KIRREL1: variants seen among roughly 807,000 people sequenced by gnomAD.
The protein encoded by KIRREL1 is kirre like nephrin family adhesion molecule 1.
Under a neutral mutation model 83.3 loss-of-function variants are expected in KIRREL1, and 25 were observed. The ratio of observed to expected loss-of-function variants is 0.30; its 90% confidence interval spans 0.22 to 0.42. The LOEUF is 0.42. Among genes scored for constraint, KIRREL1 ranks in the 10% least tolerant of loss-of-function variants. The pLI is 1.00. For synonymous variants in KIRREL1, 388 were observed against 410.4 expected (o/e 0.95, Z 0.66); for missense variants, 812 against 1,032.3 (o/e 0.79, Z 2.92).
chr1:158,072,342 AAC>A (rs1349827531), intron 1 of KIRREL1, among the ~76,000 whole-genome samples: 1 of 152,016 alleles, frequency 6.6e-6, no homozygotes, highest in Non-Finnish European at 1.5e-5. Context: ...TCCCTCAGTC[AAC>A]AGACATATTT....
chr1:158,005,125 G>C (rs958312165), intron 1 of KIRREL1, among the ~76,000 whole-genome samples: 7 of 152,196 alleles, frequency 4.6e-5, no homozygotes, highest in Non-Finnish European at 1.0e-4. Context: ...AAGCTCTCGG[G>C]TGATGCTGAT....
At chr1:158,035,787 T>C (rs1243855824) in intron 1 of KIRREL1, among the ~76,000 whole-genome samples, 1 of 152,198 alleles carries the variant, frequency 6.6e-6, no homozygotes, top group Non-Finnish European at 1.5e-5. Flanking sequence ...ATGTGGTTAA[T>C]AACAGTGATT....
At chr1:158,047,509 TCA>T (rs1660807107) in intron 1 of KIRREL1, among the ~76,000 whole-genome samples, 1 of 152,188 alleles carries the variant, frequency 6.6e-6, no homozygotes, top group Admixed American at 6.5e-5. Context: ...CACTTGAACC[TCA>T]GTTATCAGGT....
At chr1:158,028,807 T>C (rs1660241129) in intron 1 of KIRREL1, among the ~76,000 whole-genome samples, 1 of 152,222 alleles carries the variant, frequency 6.6e-6, no homozygotes, top group Non-Finnish European at 1.5e-5. Context: ...AGCTAATAAC[T>C]GAGAGGCTAA....
chr1:157,995,215 A>G (rs1351433997), intron 1 of KIRREL1, among the ~76,000 whole-genome samples: 1 of 152,144 alleles, frequency 6.6e-6, no homozygotes, highest in Non-Finnish European at 1.5e-5. Context: ...TCCGAAGGCA[A>G]AGCCTGGCTG....
In KIRREL1 at chr1:158,078,071, G is replaced by A. The variant is rs779887253; in HGVS notation, c.283G>A (p.Asp95Asn). The change falls in exon 3 of 15, where the codon GAC (aspartate) becomes AAC (asparagine). Residue 95 changes from aspartate (D) to asparagine (N), a missense_variant. Transcript: ENST00000359209. ...LEITDAELSD[D>N]ASYECQATEA... ...GATCACAGATGCTGAGCTCTCTGAC[G>A]ACGCCTCTTACGAGTGCCAGGCCAC... 3.1e-6 allele frequency: 5 copies of A among 1,614,088 alleles called. No individual in the cohort carries two copies. Among genetic ancestry groups the A allele is most frequent in the South Asian group, 2.2e-5 (2 of 91,068 alleles).
At chr1:157,999,413 C>T (rs375869510) in intron 1 of KIRREL1, among the ~76,000 whole-genome samples, 51 of 152,282 alleles carry the variant, frequency 3.3e-4, no homozygotes, top group African/African-American at 1.2e-3. Flanking sequence ...GAGAGATACA[C>T]TCATCCTATG....
At chr1:158,011,829 G>A (rs938639461) in intron 1 of KIRREL1, among the ~76,000 whole-genome samples, 5 of 152,196 alleles carry the variant, frequency 3.3e-5, no homozygotes, top group South Asian at 2.1e-4. Context: ...CCACGAGGAC[G>A]TAGTCACACG....
At chr1:158,068,961 G>T (rs1039763923) in intron 1 of KIRREL1, among the ~76,000 whole-genome samples, 2 of 152,182 alleles carry the variant, frequency 1.3e-5, no homozygotes, top group African/African-American at 2.4e-5. Context: ...AGTGGAGAGC[G>T]TGGGGACTGC....
At chr1:157,998,497 G>C (rs1209651871) in intron 1 of KIRREL1, among the ~76,000 whole-genome samples, 2 of 152,140 alleles carry the variant, frequency 1.3e-5, no homozygotes, top group Non-Finnish European at 2.9e-5. Flanking sequence ...CAAATAAAAA[G>C]GTTTGTTTCT....
At chr1:158,038,715 CA>C (rs1660542802) in intron 1 of KIRREL1, among the ~76,000 whole-genome samples, 1 of 152,028 alleles carries the variant, frequency 6.6e-6, no homozygotes, top group African/African-American at 2.4e-5. Flanking sequence ...GACGACTGAA[CA>C]AAAATAGGGT....
At chr1:158,069,884 A>G (rs1661464133) in intron 1 of KIRREL1, among the ~76,000 whole-genome samples, 1 of 152,220 alleles carries the variant, frequency 6.6e-6, no homozygotes, top group African/African-American at 2.4e-5. Flanking sequence ...TGAGCTGCAC[A>G]GAACAGTCAT....
intron 1 of KIRREL1, among the ~76,000 whole-genome samples, chr1:158,052,734 C>T (rs1291026478): frequency 1.3e-5 from 2 of 152,018 alleles, no homozygotes; most frequent in African/African-American, 2.4e-5. Flanking sequence ...TGCAGTGAGC[C>T]GAGATAGCGC....
In KIRREL1 at chr1:158,097,899, C is replaced by G. The variant is rs532199547; in HGVS notation, c.*2779C>G. The stretch of plus-strand genomic sequence containing the variant: ...TCTCGGCCTAACTTTCTGTTCATTG[C>G]CCCCAATTTGTCTGGCCTGTAAAAT... On this transcript the variant is annotated 3_prime_UTR_variant, in exon 15 of 15. Transcript: ENST00000359209. 1.3e-5 allele frequency: 2 copies of G among 151,422 alleles called. No individual in the cohort carries two copies. Among genetic ancestry groups the G allele is most frequent in the East Asian group, 3.9e-4 (2 of 5,168 alleles). The allele number at this position is 151,422 out of a possible 1,614,324, so 9.4% of individuals were successfully genotyped here. A position where few individuals can be genotyped will look rare whatever the true frequency, so the allele number is the denominator to read the frequency against.
chr1:158,029,240 T>C (rs1660251043), intron 1 of KIRREL1, among the ~76,000 whole-genome samples: 1 of 151,624 alleles, frequency 6.6e-6, no homozygotes. Context: ...GGAATAACTC[T>C]TGCCAAGGTG....
In KIRREL1 at chr1:158,094,252, G is replaced by A. The variant is rs1013550561; in HGVS notation, c.1720-61G>A. ...TGGCCTCTGAGCGTGGGGAGGGGTT[G>A]GTGAGGGGCGAAAAGAGCAGGGCTT... is the stretch of plus-strand genomic sequence containing the variant. On this transcript the variant is annotated intron_variant, in intron 13 of 14. Transcript: ENST00000359209. The surrounding 1 kb of genome is among the most constrained non-coding windows in gnomAD (Gnocchi z 4.6). 6.9e-7 allele frequency: 1 copy of A among 1,448,420 alleles called. No individual in the cohort carries two copies. Among genetic ancestry groups the A allele is most frequent in the East Asian group, 2.4e-5 (1 of 41,662 alleles). The allele number at this position is 1,448,420 out of a possible 1,614,324, so 89.7% of individuals were successfully genotyped here. A position where few individuals can be genotyped will look rare whatever the true frequency, so the allele number is the denominator to read the frequency against.
chr1:158,002,682 G>A (rs1004410568), intron 1 of KIRREL1, among the ~76,000 whole-genome samples: 1 of 152,180 alleles, frequency 6.6e-6, no homozygotes. Flanking sequence ...ATAAGATAAA[G>A]GTTGTGAGAG....
intron 1 of KIRREL1, among the ~76,000 whole-genome samples, chr1:158,072,953 CAAG>C (rs1017474341): frequency 1.3e-5 from 2 of 152,048 alleles, no homozygotes; most frequent in African/African-American, 4.8e-5. Flanking sequence ...CCTTGAGTGT[CAAG>C]AAGCCACTAA....
intron 1 of KIRREL1, among the ~76,000 whole-genome samples, chr1:158,045,640 C>A (rs1660759772): frequency 6.6e-6 from 1 of 152,188 alleles, no homozygotes; most frequent in African/African-American, 2.4e-5. Context: ...GTGTACCAAC[C>A]AGGAGGTTCC....
Sources: allele counts gnomAD v4.1 joint callset (sites outside exome capture counted in the v4.1 genomes callset), GRCh38; gene constraint gnomAD v4.1.1; non-coding constraint Gnocchi (gnomAD v3.1); transcripts MANE v1.5; gene names NCBI Gene and HGNC (gene_info 2026-07-23, HGNC 2026-07-21).